The following HEXB variants were observed in gnomAD, a reference collection of about 807,000 sequenced individuals.
HEXB encodes hexosaminidase subunit beta.
HEXB carries 51 observed loss-of-function variants against 71.2 expected under a neutral mutation model. That is an observed-to-expected ratio of 0.72 (90% CI 0.57 to 0.90). The LOEUF is 0.90. Ranked by LOEUF, HEXB falls within the 40% of genes least tolerant of loss-of-function variation. The pLI, the probability that HEXB is intolerant of heterozygous loss-of-function variation, is 0.00. For synonymous variants in HEXB, 266 were observed against 249.3 expected, an observed-to-expected ratio of 1.07 and a Z score of -0.63; for missense variants, 617 against 677.0, an observed-to-expected ratio of 0.91 and a Z score of 0.98.
rs1232334154 is a variant in HEXB at position 74,686,224 on chromosome 5, G to A, written c.299+665G>A. ...CCTCTTTTACAGACCCCTAGATAGCGCCTCTGTCTCTCTCACCCTTTGGCT... is the reference window on the plus strand; with the variant it reads ...CCTCTTTTACAGACCCCTAGATAGCACCTCTGTCTCTCTCACCCTTTGGCT... On this transcript the variant is annotated intron_variant, in intron 1 of 13. Transcript: ENST00000261416. Among the ~76,000 whole-genome samples, 3 of 152,080 alleles carry A rather than the reference G, an allele frequency of 2.0e-5. No individual in the cohort carries two copies. In the East Asian group the frequency reaches 5.8e-4, roughly 29 times the overall value.
intron 11 of HEXB, 134 bp downstream of exon 11, chr5:74,719,105 C>A (rs1749747096): frequency 2.6e-6 from 2 of 776,046 alleles, no homozygotes; most frequent in Non-Finnish European, 4.6e-6. Flanking sequence ...TAGATATTAC[C>A]TACCAACTAT....
At chr5:74,670,359 C>T (rs1454382163) in intron 1 of HEXB, among the ~76,000 whole-genome samples, 1 of 152,106 alleles carries the variant, frequency 6.6e-6, no homozygotes, top group Admixed American at 6.5e-5. Flanking sequence ...GGACCACCCT[C>T]ACGTCCCCTC....
chr5:74,671,427 G>A (rs777606646), intron 1 of HEXB, among the ~76,000 whole-genome samples: 12 of 151,726 alleles, frequency 7.9e-5, no homozygotes, highest in Non-Finnish European at 1.2e-4. Flanking sequence ...AAAAAAAAAA[G>A]CCATATGGTA....
At chr5:74,650,197 C>G (rs555998690) in intron 1 of HEXB, among the ~76,000 whole-genome samples, 12 of 152,208 alleles carry the variant, frequency 7.9e-5, no homozygotes, top group Non-Finnish European at 1.3e-4. Context: ...GGCACGGAAC[C>G]TCCTCGAGCA....
At chr5:74,695,143 T>C (rs139835094) in intron 3 of HEXB, among the ~76,000 whole-genome samples, 3 of 151,872 alleles carry the variant, frequency 2.0e-5, no homozygotes, top group African/African-American at 7.2e-5. Context: ...TTAGTGATTT[T>C]AAGCTTTTAT....
At chr5:74,647,970 C>T (rs560195861) in intron 1 of HEXB, among the ~76,000 whole-genome samples, 4 of 152,310 alleles carry the variant, frequency 2.6e-5, no homozygotes, top group South Asian at 4.1e-4. Flanking sequence ...CTTGTATTTG[C>T]ATTTGGAAGG....
chr5:74,681,143 T>TA (rs1748730561), upstream of HEXB, among the ~76,000 whole-genome samples: 1 of 152,166 alleles, frequency 6.6e-6, no homozygotes, highest in Non-Finnish European at 1.5e-5. Context: ...TGTTTGGGGA[T>TA]AAAATAAGAG....
In HEXB at chr5:74,712,441, AAAAG is replaced by A. The variant is rs750846923; in HGVS notation, c.772-1061_772-1058del. On this transcript the variant is annotated intron_variant, in intron 6 of 13. Transcript: ENST00000261416. The stretch of plus-strand genomic sequence containing the variant: ...AACTTAAAGTATGATAATAATAAAA[AAAAG>A]AAATGCTTTAAATTTTAAAAAAAAA... Among the ~76,000 whole-genome samples the A allele has an allele frequency of 1.2e-3, 188 of 152,262 alleles. 1 individual carries two copies. Among genetic ancestry groups the A allele is most frequent in the Non-Finnish European group, 2.2e-3 (152 of 68,016 alleles).
rs749217290 is a variant in HEXB at position 74,720,415 on chromosome 5, G to T, written c.1418-13G>T. On this transcript the variant is annotated splice_polypyrimidine_tract_variant and intron_variant, in intron 11 of 13. Coordinates refer to ENST00000261416, the MANE Select transcript of HEXB (RefSeq NM_000521.4). Reference sequence around the variant, plus strand: ...TTTGAACTTCTGAACTTAATTCAATGATTTTAATTTAGGTACTCAGAAACA... The same window carrying T: ...TTTGAACTTCTGAACTTAATTCAATTATTTTAATTTAGGTACTCAGAAACA... The T allele has an allele frequency of 4.5e-6, 7 of 1,560,630 alleles. No homozygotes were observed. The highest frequency in any genetic ancestry group is 1.1e-5 in the South Asian group (1 of 90,018).
chr5:74,653,158 G>A (rs150774325), intron 1 of HEXB, among the ~76,000 whole-genome samples: 23 of 152,260 alleles, frequency 1.5e-4, no homozygotes, highest in South Asian at 6.2e-4. Context: ...TTGTGAATAC[G>A]CTTCTACAAA....
chr5:74,719,719 G>A (rs1749771877), intron 11 of HEXB, among the ~76,000 whole-genome samples: 1 of 152,098 alleles, frequency 6.6e-6, no homozygotes, highest in African/African-American at 2.4e-5. Context: ...CGAGGCAGGT[G>A]GATCATGAGG....
At chr5:74,716,036 AAAAAAT>A (rs1182423201) in intron 8 of HEXB, among the ~76,000 whole-genome samples, 2 of 141,944 alleles carry the variant, frequency 1.4e-5, no homozygotes, top group African/African-American at 2.8e-5. Flanking sequence ...AAAAAAAAAA[AAAAAAT>A]GGAATAAAAA....
chr5:74,648,164 TG>T (rs1337568943), intron 1 of HEXB, among the ~76,000 whole-genome samples: 1 of 152,222 alleles, frequency 6.6e-6, no homozygotes, highest in Non-Finnish European at 1.5e-5. Flanking sequence ...CAGGGATACT[TG>T]AGGATTATAG....
chr5:74,700,776 C>T (rs1408017135), intron 5 of HEXB, among the ~76,000 whole-genome samples: 1 of 152,080 alleles, frequency 6.6e-6, no homozygotes, highest in Non-Finnish European at 1.5e-5. Flanking sequence ...GGTGCGGTCT[C>T]AGCTCACTGC....
chr5:74,671,957 T>C (rs1748548456), intron 1 of HEXB, among the ~76,000 whole-genome samples: 1 of 152,172 alleles, frequency 6.6e-6, no homozygotes, highest in African/African-American at 2.4e-5. Flanking sequence ...TTGGTGAGAA[T>C]AGGTGGCGGC....
chr5:74,703,278 A>G (rs1435252495), intron 5 of HEXB, among the ~76,000 whole-genome samples: 1 of 152,232 alleles, frequency 6.6e-6, no homozygotes, highest in African/African-American at 2.4e-5. Context: ...TAGTCAAATT[A>G]TCCCAGCTTT....
At chr5:74,654,460 A>G (rs1357128565) in intron 1 of HEXB, among the ~76,000 whole-genome samples, 1 of 152,152 alleles carries the variant, frequency 6.6e-6, no homozygotes, top group Non-Finnish European at 1.5e-5. Flanking sequence ...AGATATACTA[A>G]CAGCTCCCCA....
chr5:74,695,236 C>A (rs1365565719), intron 3 of HEXB, among the ~76,000 whole-genome samples: 5 of 121,590 alleles, frequency 4.1e-5, no homozygotes, highest in Non-Finnish European at 8.1e-5. Flanking sequence ...CAGAATCTTG[C>A]TCTGTTGCCC....
At chr5:74,670,362 G>A (rs539504033) in intron 1 of HEXB, among the ~76,000 whole-genome samples, 4 of 151,698 alleles carry the variant, frequency 2.6e-5, no homozygotes, top group Non-Finnish European at 5.9e-5. Context: ...CCACCCTCAC[G>A]TCCCCTCTCT....
Sources: allele counts gnomAD v4.1 joint callset (sites outside exome capture counted in the v4.1 genomes callset), GRCh38; gene constraint gnomAD v4.1.1; transcripts MANE v1.5; gene names NCBI Gene and HGNC (gene_info 2026-07-23, HGNC 2026-07-21).